KCNH8: variants seen among roughly 807,000 people sequenced by gnomAD.
The protein encoded by KCNH8 is potassium voltage-gated channel subfamily H member 8.
Under a neutral mutation model 103.6 loss-of-function variants are expected in KCNH8, and 70 were observed. The ratio of observed to expected loss-of-function variants is 0.68; its 90% CI spans 0.56 to 0.82. KCNH8 has a LOEUF of 0.82. KCNH8 is among the 40% of genes least tolerant of loss of function. The pLI is 0.00. For synonymous variants in KCNH8, 498 were observed against 489.4 expected (o/e 1.02, Z -0.23); for missense variants, 1,217 against 1,329.9 (o/e 0.92, Z 1.32).
At chr3:19,157,822 G>GACATCT (rs1458336689) in intron 1 of KCNH8, among the ~76,000 whole-genome samples, 1 of 151,130 alleles carries the variant, frequency 6.6e-6, no homozygotes, top group Non-Finnish European at 1.5e-5. Context: ...TCCCTTTTTT[G>GACATCT]ACATCTTTGA....
In KCNH8 at chr3:19,357,042, C is replaced by G. The variant is rs556278729; in HGVS notation, c.811+9077C>G. ...AATTTTTTGTAGGCAGCAGTATGCCCAGATTCAGGGAATAAATTATGACTG... is the reference window on the plus strand; with the variant it reads ...AATTTTTTGTAGGCAGCAGTATGCCGAGATTCAGGGAATAAATTATGACTG... On this transcript the variant is annotated intron_variant, in intron 5 of 15. Coordinates refer to ENST00000328405, the MANE Select transcript of KCNH8 (RefSeq NM_144633.3). 2.0e-5 allele frequency among the ~76,000 whole-genome samples: 3 copies of G among 151,948 alleles called. No individual in the cohort carries two copies. In the East Asian group the frequency reaches 5.8e-4, roughly 29 times the overall value.
chr3:19,465,282 A>G (rs116243029), intron 11 of KCNH8, among the ~76,000 whole-genome samples: 7,778 of 152,196 alleles, frequency 0.051, 573 homozygotes, highest in African/African-American at 0.16. Flanking sequence ...TAGGGCCCTT[A>G]AGAAGTATGC....
intron 3 of KCNH8, among the ~76,000 whole-genome samples, chr3:19,290,679 G>A (rs1194738272): frequency 1.3e-5 from 2 of 152,188 alleles, no homozygotes; most frequent in African/African-American, 2.4e-5. Context: ...TTGCATCAGT[G>A]TTAATCAGGG....
intron 1 of KCNH8, among the ~76,000 whole-genome samples, chr3:19,182,302 G>A (rs1317564385): frequency 1.3e-5 from 2 of 152,108 alleles, no homozygotes; most frequent in African/African-American, 4.8e-5. Flanking sequence ...GCCGACGGGG[G>A]CAGATCACGA....
intron 5 of KCNH8, among the ~76,000 whole-genome samples, chr3:19,348,360 C>T (rs2065755514): frequency 6.6e-6 from 1 of 151,694 alleles, no homozygotes; most frequent in African/African-American, 2.4e-5. Flanking sequence ...TCTCCATGCC[C>T]TTCCGTGCCC....
intron 1 of KCNH8, among the ~76,000 whole-genome samples, chr3:19,218,671 A>G (rs911049851): frequency 7.2e-5 from 11 of 152,216 alleles, no homozygotes; most frequent in Non-Finnish European, 1.3e-4. Flanking sequence ...TAAATGGTTT[A>G]AACAACAAAA....
intron 11 of KCNH8, among the ~76,000 whole-genome samples, chr3:19,498,532 G>A (rs1415370994): frequency 6.6e-6 from 1 of 152,078 alleles, no homozygotes; most frequent in East Asian, 1.9e-4. Flanking sequence ...TAAAATTCTT[G>A]GTGGAAAATT....
intron 1 of KCNH8, among the ~76,000 whole-genome samples, chr3:19,222,252 T>G (rs2063883946): frequency 6.6e-6 from 1 of 152,234 alleles, no homozygotes; most frequent in Non-Finnish European, 1.5e-5. Context: ...TTTTGCCTTC[T>G]ACATGGGGCT....
At chr3:19,482,085 CGT>C (rs1011168814) in intron 11 of KCNH8, among the ~76,000 whole-genome samples, 11 of 152,236 alleles carry the variant, frequency 7.2e-5, no homozygotes, top group Admixed American at 4.6e-4. Flanking sequence ...GTGAGAGGGT[CGT>C]GATCGATTGA....
intron 1 of KCNH8, among the ~76,000 whole-genome samples, chr3:19,215,784 T>C (rs1044674557): frequency 1.3e-5 from 2 of 152,232 alleles, no homozygotes; most frequent in Admixed American, 1.3e-4. Flanking sequence ...CTCTCCTTTC[T>C]GCAGAGAGAC....
At chr3:19,234,967 GTAAA>G (rs552034113) in intron 1 of KCNH8, among the ~76,000 whole-genome samples, 7 of 152,346 alleles carry the variant, frequency 4.6e-5, no homozygotes, top group Non-Finnish European at 1.0e-4. Flanking sequence ...AAGTAGCTGG[GTAAA>G]TAATTATCTT....
chr3:19,434,694 GTAAGAGTATTTTT>G (rs2067172223), intron 7 of KCNH8, among the ~76,000 whole-genome samples: 1 of 152,092 alleles, frequency 6.6e-6, no homozygotes, highest in Non-Finnish European at 1.5e-5. Flanking sequence ...ACAAATGTTA[GTAAGAGTATTTTT>G]TTATGCTTGG....
chr3:19,365,938 G>C lies in KCNH8; in HGVS notation c.811+17973G>C, dbSNP rs536377813. 1.2e-4 allele frequency among the ~76,000 whole-genome samples: 18 copies of C among 152,188 alleles called. No homozygotes were observed. In the South Asian group the frequency reaches 3.7e-3, roughly 32 times the overall value. Reference sequence around the variant, plus strand: ...GATGAAGAACATTCCAAGCAAAGGGGACAGCCAGATGCTTTACTCCCACAT... The same window carrying C: ...GATGAAGAACATTCCAAGCAAAGGGCACAGCCAGATGCTTTACTCCCACAT... On this transcript the variant is annotated intron_variant, in intron 5 of 15. Coordinates refer to ENST00000328405, the MANE Select transcript of KCNH8 (RefSeq NM_144633.3).
intron 3 of KCNH8, among the ~76,000 whole-genome samples, chr3:19,335,792 A>G (rs1004136437): frequency 6.6e-5 from 10 of 151,714 alleles, no homozygotes; most frequent in African/African-American, 2.2e-4. Flanking sequence ...CAAAGTATTC[A>G]TTAAATCTAA....
chr3:19,182,504 C>T (rs867500508), intron 1 of KCNH8, among the ~76,000 whole-genome samples: 6 of 152,200 alleles, frequency 3.9e-5, no homozygotes, highest in Non-Finnish European at 7.3e-5. Flanking sequence ...GCACTCCAGC[C>T]TGGGCGACAG....
At chr3:19,288,181 C>CTTTTTTTTTT (rs767659898) in intron 3 of KCNH8, among the ~76,000 whole-genome samples, 17 of 38,170 alleles carry the variant, frequency 4.5e-4, no homozygotes, top group African/African-American at 1.5e-3. Flanking sequence ...TATCAAACTT[C>CTTTTTTTTTT]TTTTTTTTTT....
At chr3:19,383,369 A>G (rs1053920940) in intron 5 of KCNH8, among the ~76,000 whole-genome samples, 1 of 151,558 alleles carries the variant, frequency 6.6e-6, no homozygotes, top group Non-Finnish European at 1.5e-5. Flanking sequence ...TACTCATCTC[A>G]GTGTTCGTTA....
chr3:19,198,479 G>A (rs185288200), intron 1 of KCNH8, among the ~76,000 whole-genome samples: 60 of 152,034 alleles, frequency 3.9e-4, no homozygotes, highest in Admixed American at 1.9e-3. Flanking sequence ...CCATCCTGCC[G>A]TTTAAAAAAA....
At position 19,395,249 on chromosome 3, in the gene KCNH8, G is replaced by A; in HGVS notation, c.1115G>A (p.Cys372Tyr). 1 of 1,610,120 alleles carries A rather than the reference G, an allele frequency of 6.2e-7. No homozygotes were observed. ...GCACTCCTTGCACACTGGATGGCGT[G>A]TATCTGGTACGTCATTGGAAAAATG... ...MFALLAHWMA[C>Y]IWYVIGKMER... The change falls in exon 7 of 16, where the codon TGT (cysteine) becomes TAT (tyrosine). Residue 372 changes from cysteine to tyrosine, a missense_variant. Physicochemically the swap from Cys to Tyr is radical, Grantham distance 194. This residue lies in a region of KCNH8 where 415 missense variants were observed against 577.4 expected (regional missense o/e 0.72). Transcript: ENST00000328405.
Sources: gnomAD v4.1 joint callset for allele counts (sites outside exome capture counted in the v4.1 genomes callset) on GRCh38, gnomAD v4.1.1 for gene constraint, gnomAD v4.1.1 regional missense constraint, MANE v1.5 for transcripts, NCBI Gene and HGNC (gene_info 2026-07-23, HGNC 2026-07-21) for gene names.